The following GFRA1 variants were observed in gnomAD, a reference collection of about 807,000 sequenced individuals.
GFRA1 encodes the protein GDNF family receptor alpha-1.
GFRA1 carries 16 observed loss-of-function variants against 51.6 expected under a neutral mutation model. That is an observed-to-expected ratio of 0.31 (90% CI 0.21 to 0.47). The LOEUF (loss-of-function observed/expected upper bound fraction) is 0.47. GFRA1 is among the 20% of genes least tolerant of loss of function. The pLI is 1.00. For synonymous variants in GFRA1, 270 were observed against 241.3 expected, an observed-to-expected ratio of 1.12 and a Z score of -1.10; for missense variants, 530 against 594.3, an observed-to-expected ratio of 0.89 and a Z score of 1.13.
chr10:116,186,515 C>T (rs1962730588), intron 5 of GFRA1, among the ~76,000 whole-genome samples: 1 of 144,180 alleles, frequency 6.9e-6, no homozygotes, highest in Non-Finnish European at 1.5e-5. Flanking sequence ...TGGGACATTA[C>T]ACAATTCTGA....
chr10:116,142,851 T>A (rs140455214), intron 5 of GFRA1, among the ~76,000 whole-genome samples: 150 of 152,320 alleles, frequency 9.8e-4, no homozygotes, highest in African/African-American at 3.5e-3. Context: ...ATCCACTCAT[T>A]ACATTCCAAC....
intron 6 of GFRA1, among the ~76,000 whole-genome samples, chr10:116,104,752 G>T (rs1326340584): frequency 6.6e-6 from 1 of 152,182 alleles, no homozygotes; most frequent in African/African-American, 2.4e-5. Flanking sequence ...AGTCAACATT[G>T]ACAGAGCAGT....
chr10:116,245,171 C>G (rs1000007780), intron 4 of GFRA1, among the ~76,000 whole-genome samples: 17 of 152,048 alleles, frequency 1.1e-4, no homozygotes, highest in Non-Finnish European at 2.4e-4. Flanking sequence ...CAGTGAAATA[C>G]ATATCTGAAA....
intron 5 of GFRA1, among the ~76,000 whole-genome samples, chr10:116,200,978 C>T (rs775568273): frequency 2.6e-5 from 4 of 152,224 alleles, no homozygotes; most frequent in Non-Finnish European, 5.9e-5. Flanking sequence ...TGCCACCCCA[C>T]AAACAATATG....
Position 116,062,219 on chromosome 10 carries a change from C to T in GFRA1, c.*2179G>A. 2.5e-6 allele frequency: 1 copy of T among 398,218 alleles called. No homozygotes were observed. The highest frequency in any genetic ancestry group is 4.4e-6 in the Non-Finnish European group (1 of 225,912). The allele number at this position is 398,218 out of a possible 1,614,324, so 24.7% of individuals were successfully genotyped here. A position where few individuals can be genotyped will look rare whatever the true frequency, so the allele number is the denominator to read the frequency against. On this transcript the variant is annotated 3_prime_UTR_variant, in exon 11 of 11. Transcript: ENST00000355422. ...ACAGTGGATCACATAGAATCAGATC[C>T]CTATGAAATTAGTCCAGTGTAGATA...
At chr10:116,069,235 G>T (rs776342865) in intron 9 of GFRA1, among the ~76,000 whole-genome samples, 84 of 152,226 alleles carry the variant, frequency 5.5e-4, no homozygotes, top group African/African-American at 1.9e-3. Flanking sequence ...AAATCAATTC[G>T]AACTATTCTT....
intron 4 of GFRA1, chr10:116,255,730 C>A (rs146828665): frequency 3.1e-6 from 4 of 1,289,202 alleles, no homozygotes; most frequent in Non-Finnish European, 4.0e-6. Context: ...TCTCCTTCTC[C>A]CCTTCTTTAC....
At chr10:116,132,655 G>A (rs1342154407) in intron 5 of GFRA1, among the ~76,000 whole-genome samples, 1 of 152,006 alleles carries the variant, frequency 6.6e-6, no homozygotes, top group Non-Finnish European at 1.5e-5. Flanking sequence ...CTACTGCAAT[G>A]AAGTTAAAAA....
chr10:116,224,921 C>T (rs1289754565), intron 4 of GFRA1, among the ~76,000 whole-genome samples: 1 of 152,294 alleles, frequency 6.6e-6, no homozygotes, highest in Non-Finnish European at 1.5e-5. Flanking sequence ...GTCAATCTCA[C>T]AAATGCACCC....
At chr10:116,085,596 G>A (rs542885650) in intron 9 of GFRA1, among the ~76,000 whole-genome samples, 2 of 152,270 alleles carry the variant, frequency 1.3e-5, no homozygotes, top group African/African-American at 4.8e-5. Flanking sequence ...GGGAGAATTA[G>A]TCTCCTGGGA....
chr10:116,177,648 G>A (rs1961759631), intron 5 of GFRA1, among the ~76,000 whole-genome samples: 1 of 152,206 alleles, frequency 6.6e-6, no homozygotes, highest in Non-Finnish European at 1.5e-5. Context: ...GGAGCAGGAT[G>A]TACCATCGAG....
At chr10:116,207,737 C>T (rs1363461906) in intron 5 of GFRA1, among the ~76,000 whole-genome samples, 1 of 152,058 alleles carries the variant, frequency 6.6e-6, no homozygotes, top group Non-Finnish European at 1.5e-5. Flanking sequence ...TCTTGATGAG[C>T]ATAATTTGCC....
At chr10:116,075,406 A>C (rs919049458) in intron 9 of GFRA1, among the ~76,000 whole-genome samples, 1 of 152,208 alleles carries the variant, frequency 6.6e-6, no homozygotes, top group Non-Finnish European at 1.5e-5. Flanking sequence ...CCAGGAGAAT[A>C]AAATAATGGT....
intron 9 of GFRA1, among the ~76,000 whole-genome samples, chr10:116,074,407 C>A (rs562863682): frequency 2.6e-5 from 4 of 152,190 alleles, no homozygotes; most frequent in Non-Finnish European, 5.9e-5. Flanking sequence ...GCTCACACAG[C>A]CAGCATGGAC....
chr10:116,074,608 TCCC>T (rs1265847971), intron 9 of GFRA1, among the ~76,000 whole-genome samples: 1 of 152,144 alleles, frequency 6.6e-6, no homozygotes, highest in Non-Finnish European at 1.5e-5. Flanking sequence ...CTCTCTGAGG[TCCC>T]TGCAGCAAAG....
intron 5 of GFRA1, among the ~76,000 whole-genome samples, chr10:116,203,709 G>A (rs1345134147): frequency 6.6e-6 from 1 of 152,182 alleles, no homozygotes; most frequent in African/African-American, 2.4e-5. Context: ...CTTAAAAGAT[G>A]GCTCTATCCT....
intron 5 of GFRA1, among the ~76,000 whole-genome samples, chr10:116,131,433 T>C (rs1187039947): frequency 6.6e-6 from 1 of 152,174 alleles, no homozygotes; most frequent in Non-Finnish European, 1.5e-5. Context: ...CTTGAACATA[T>C]GTCCACAAAA....
intron 9 of GFRA1, among the ~76,000 whole-genome samples, chr10:116,085,165 C>A (rs1361513385): frequency 6.6e-6 from 1 of 152,162 alleles, no homozygotes; most frequent in Non-Finnish European, 1.5e-5. Flanking sequence ...CTATATTCAC[C>A]ATATCCATAG....
intron 5 of GFRA1, among the ~76,000 whole-genome samples, chr10:116,192,449 G>A (rs961600256): frequency 6.6e-6 from 1 of 152,180 alleles, no homozygotes; most frequent in African/African-American, 2.4e-5. Context: ...TTCTCCCCAA[G>A]AGGCCCCACT....
Sources: gnomAD v4.1 joint callset for allele counts (sites outside exome capture counted in the v4.1 genomes callset) on GRCh38, gnomAD v4.1.1 for gene constraint, MANE v1.5 for transcripts, NCBI Gene and HGNC (gene_info 2026-07-23, HGNC 2026-07-21) for gene names.